The following TASP1 variants were observed in gnomAD, a reference collection of about 807,000 sequenced individuals.
The protein encoded by TASP1 is threonine aspartase 1.
TASP1 carries 16 observed loss-of-function variants against 56.6 expected under a neutral mutation model. The ratio of observed to expected loss-of-function variants is 0.28; its 90% CI spans 0.19 to 0.43. The LOEUF is 0.43. TASP1 is among the 20% of genes least tolerant of loss of function. The pLI is 1.00. For missense variants in TASP1, 393 were observed against 511.6 expected (o/e 0.77, Z 2.24); for synonymous variants, 179 against 184.2 (o/e 0.97, Z 0.23).
At chr20:13,233,102 T>G in the TASP1 span, among the ~76,000 whole-genome samples, 1 of 152,138 alleles carries the variant, frequency 6.6e-6, no homozygotes, top group Non-Finnish European at 1.5e-5. Context: ...TGTCCAATAT[T>G]CCTTGATTCT....
At chr20:13,230,592 A>G in the TASP1 span, among the ~76,000 whole-genome samples, 1 of 152,282 alleles carries the variant, frequency 6.6e-6, no homozygotes, top group Middle Eastern at 3.4e-3. Flanking sequence ...ATGACAATGA[A>G]GCCCCTTAGG....
At chr20:13,623,168 T>C (rs1179815753) in intron 4 of TASP1, among the ~76,000 whole-genome samples, 1 of 152,058 alleles carries the variant, frequency 6.6e-6, no homozygotes, top group Non-Finnish European at 1.5e-5. Flanking sequence ...AGGATTTTCC[T>C]ACTGAAAATG....
chr20:13,232,414 G>T, the TASP1 span, among the ~76,000 whole-genome samples: 1 of 152,212 alleles, frequency 6.6e-6, no homozygotes, highest in Non-Finnish European at 1.5e-5. Context: ...GCATAGCATT[G>T]CATGATATGG....
At chr20:13,486,307 C>T (rs1044596946) in intron 10 of TASP1, among the ~76,000 whole-genome samples, 1 of 152,086 alleles carries the variant, frequency 6.6e-6, no homozygotes, top group Non-Finnish European at 1.5e-5. Flanking sequence ...TATGTTCTCA[C>T]ATCTTAGCAG....
intron 8 of TASP1, among the ~76,000 whole-genome samples, chr20:13,538,773 T>G (rs1410979914): frequency 6.6e-6 from 1 of 152,200 alleles, no homozygotes; most frequent in East Asian, 1.9e-4. Context: ...CCGGGCTGGG[T>G]GGCTCACGCC....
At chr20:13,282,665 C>T in the TASP1 span, among the ~76,000 whole-genome samples, 2 of 152,202 alleles carry the variant, frequency 1.3e-5, no homozygotes, top group Admixed American at 1.3e-4. Flanking sequence ...CTCCTAGTAT[C>T]TTCCCCATCA....
the TASP1 span, among the ~76,000 whole-genome samples, chr20:13,247,326 AAC>A: frequency 0.082 from 12,406 of 152,156 alleles, 611 homozygotes; most frequent in East Asian, 0.17. Context: ...ACTTACCAAA[AAC>A]ACAGCATCAG....
At chr20:13,599,322 AT>A (rs2047865367) in intron 4 of TASP1, among the ~76,000 whole-genome samples, 1 of 152,210 alleles carries the variant, frequency 6.6e-6, no homozygotes, top group Admixed American at 6.5e-5. Context: ...TGTGGCACAT[AT>A]ACACCATGGA....
chr20:13,393,041 C>A, intron 13 of TASP1: 1 of 587,780 alleles, frequency 1.7e-6, no homozygotes, highest in Non-Finnish European at 3.2e-6. Context: ...ATCATCTCTG[C>A]TGCCTCTGCT....
At chr20:13,240,407 T>TG in the TASP1 span, among the ~76,000 whole-genome samples, 1 of 152,104 alleles carries the variant, frequency 6.6e-6, no homozygotes, top group South Asian at 2.1e-4. Context: ...AGTCCTGAGC[T>TG]GGGGGAATAA....
the TASP1 span, among the ~76,000 whole-genome samples, chr20:13,196,314 T>C: frequency 7.9e-5 from 12 of 152,236 alleles, no homozygotes; most frequent in Non-Finnish European, 1.8e-4. Flanking sequence ...ATAATTTAGT[T>C]TTAAACCATC....
the TASP1 span, among the ~76,000 whole-genome samples, chr20:13,254,898 C>T: frequency 4.7e-4 from 72 of 152,310 alleles, no homozygotes; most frequent in African/African-American, 1.7e-3. Context: ...CTTCCTTTTC[C>T]ATCTATTCAT....
intron 10 of TASP1, among the ~76,000 whole-genome samples, chr20:13,517,811 A>C (rs2044595611): frequency 6.6e-6 from 1 of 152,188 alleles, no homozygotes; most frequent in South Asian, 2.1e-4. Context: ...AAAAGCAAGA[A>C]GCAATATATT....
intron 10 of TASP1, among the ~76,000 whole-genome samples, chr20:13,487,002 A>G (rs934280788): frequency 2.0e-5 from 3 of 152,180 alleles, no homozygotes; most frequent in Admixed American, 6.5e-5. Flanking sequence ...AGGCAAGGGG[A>G]AAAAAGGCAT....
At chr20:13,249,581 C>A in the TASP1 span, among the ~76,000 whole-genome samples, 7 of 152,212 alleles carry the variant, frequency 4.6e-5, no homozygotes, top group Non-Finnish European at 8.8e-5. Context: ...TGGAAGGAAA[C>A]CCCGCCAGGC....
At chr20:13,530,977 A>T (rs1405291051) in intron 9 of TASP1, among the ~76,000 whole-genome samples, 1 of 152,172 alleles carries the variant, frequency 6.6e-6, no homozygotes. Flanking sequence ...AAATGATATT[A>T]TTATTAGTCT....
chr20:13,276,863 A>T, the TASP1 span, among the ~76,000 whole-genome samples: 1 of 152,224 alleles, frequency 6.6e-6, no homozygotes, highest in Non-Finnish European at 1.5e-5. Context: ...TGCCTATGAA[A>T]CCTCAGGCTC....
At chr20:13,284,323 C>T in the TASP1 span, among the ~76,000 whole-genome samples, 15 of 152,280 alleles carry the variant, frequency 9.9e-5, no homozygotes, top group Non-Finnish European at 1.9e-4. Flanking sequence ...AAAACTCCAG[C>T]GGCATCCTTG....
At chr20:13,501,661 C>T (rs1446651844) in intron 10 of TASP1, among the ~76,000 whole-genome samples, 6 of 151,862 alleles carry the variant, frequency 4.0e-5, no homozygotes, top group Admixed American at 3.3e-4. Flanking sequence ...AGCCCAATTA[C>T]ATCAATACTT....
Sources: gnomAD v4.1 joint callset for allele counts (sites outside exome capture counted in the v4.1 genomes callset) on GRCh38, gnomAD v4.1.1 for gene constraint, MANE v1.5 for transcripts, NCBI Gene and HGNC (gene_info 2026-07-23, HGNC 2026-07-21) for gene names.